Variants in GYS2 observed in about 807,000 individuals in gnomAD.
GYS2 encodes glycogen [starch] synthase, liver.
GYS2 carries 80 observed loss-of-function variants against 85.6 expected under a neutral mutation model. The observed-to-expected ratio is 0.93, with a 90% CI of 0.78 to 1.13. GYS2 has a LOEUF of 1.13. Among genes scored for constraint, GYS2 ranks in the 50% most tolerant of loss-of-function variants. GYS2 has a pLI of 0.00. For missense variants in GYS2, 881 were observed against 854.9 expected (o/e 1.03, Z -0.38); for synonymous variants, 328 against 300.7 (o/e 1.09, Z -0.94).
intron 1 of GYS2, among the ~76,000 whole-genome samples, chr12:21,594,122 G>A (rs952430019): frequency 1.3e-5 from 2 of 152,028 alleles, no homozygotes; most frequent in African/African-American, 4.8e-5. Context: ...AGTCATATAT[G>A]ACAAACCCAC....
intron 1 of GYS2, among the ~76,000 whole-genome samples, chr12:21,587,348 C>T (rs1944585804): frequency 6.6e-6 from 1 of 152,202 alleles, no homozygotes; most frequent in Admixed American, 6.5e-5. Flanking sequence ...ACTGTGTCCC[C>T]ACCCAAATCT....
At chr12:21,569,109 G>A in intron 4 of GYS2, 100 bp from the exon 5 acceptor site, 1 of 1,237,638 alleles carries the variant, frequency 8.1e-7, no homozygotes, top group Non-Finnish European at 1.2e-6. Context: ...CCTCAAGGCT[G>A]TGTAAAAATT....
intron 1 of GYS2, among the ~76,000 whole-genome samples, chr12:21,600,934 A>G (rs1944749577): frequency 6.6e-6 from 1 of 152,148 alleles, no homozygotes. Context: ...AATTATGTCC[A>G]GCAATACGTT....
intron 11 of GYS2, 59 bp downstream of exon 11, chr12:21,558,140 AT>A: frequency 9.8e-7 from 1 of 1,017,316 alleles, no homozygotes. Context: ...AAGCTAATAA[AT>A]TCTCAGAAAA....
chr12:21,534,072 G>T (rs2136826716), downstream of GYS2, among the ~76,000 whole-genome samples: 1 of 152,310 alleles, frequency 6.6e-6, no homozygotes, highest in South Asian at 2.1e-4. Context: ...TCACATTGGG[G>T]ATTAGGATTT....
intron 1 of GYS2, among the ~76,000 whole-genome samples, chr12:21,597,622 C>T (rs1591813579): frequency 6.6e-6 from 1 of 152,014 alleles, no homozygotes; most frequent in African/African-American, 2.4e-5. Context: ...AGTATAGCCA[C>T]TATGGAAAAC....
intron 11 of GYS2, among the ~76,000 whole-genome samples, chr12:21,548,307 A>G (rs574912041): frequency 1.3e-5 from 2 of 152,296 alleles, no homozygotes; most frequent in African/African-American, 4.8e-5. Flanking sequence ...GCCTATTTTC[A>G]TTCTATAAAT....
rs10717515 is a variant in GYS2 at position 21,564,435 on chromosome 12, G to GA, written c.824-1091dup. ...GACAGAGTGAGACTCCATCTCAAAA[G>GA]AAAAAAAAAAAGAATCTTTTACAGT... On this transcript the variant is annotated intron_variant, in intron 5 of 15. Coordinates refer to ENST00000261195, the MANE Select transcript of GYS2 (RefSeq NM_021957.4). Among the ~76,000 whole-genome samples the GA allele has an allele frequency of 1.4e-3, 203 of 149,642 alleles. 1 individual carries two copies. The highest frequency in any genetic ancestry group is 4.3e-3 in the African/African-American group (173 of 40,620).
At chr12:21,556,316 G>A (rs1944178649) in intron 11 of GYS2, among the ~76,000 whole-genome samples, 1 of 152,096 alleles carries the variant, frequency 6.6e-6, no homozygotes, top group Non-Finnish European at 1.5e-5. Flanking sequence ...CTACAGGCGT[G>A]TACCACCACA....
intron 1 of GYS2, among the ~76,000 whole-genome samples, chr12:21,591,880 T>C (rs1222700558): frequency 6.6e-6 from 1 of 152,100 alleles, no homozygotes; most frequent in Non-Finnish European, 1.5e-5. Flanking sequence ...AAGGATGTTA[T>C]ACCCAGCAAC....
intron 5 of GYS2, among the ~76,000 whole-genome samples, chr12:21,565,200 A>C (rs1340288797): frequency 6.6e-6 from 1 of 151,804 alleles, no homozygotes; most frequent in Non-Finnish European, 1.5e-5. Flanking sequence ...GTGCAGTCAT[A>C]TGCTGGTAAA....
intron 5 of GYS2, among the ~76,000 whole-genome samples, chr12:21,566,334 A>G (rs1315340254): frequency 6.6e-6 from 1 of 151,852 alleles, no homozygotes; most frequent in Non-Finnish European, 1.5e-5. Flanking sequence ...ACAAAGTCAT[A>G]GTTACACTAT....
At chr12:21,598,279 A>G (rs977291115) in intron 1 of GYS2, among the ~76,000 whole-genome samples, 5 of 152,134 alleles carry the variant, frequency 3.3e-5, no homozygotes, top group Admixed American at 3.3e-4. Flanking sequence ...ATCATTATAC[A>G]TTATATGCAT....
chr12:21,564,613 C>A (rs1247175798), intron 5 of GYS2, among the ~76,000 whole-genome samples: 1 of 152,062 alleles, frequency 6.6e-6, no homozygotes, highest in African/African-American at 2.4e-5. Context: ...ACAGTAGAAT[C>A]AATTTTAAGT....
intron 15 of GYS2, among the ~76,000 whole-genome samples, chr12:21,538,473 A>G (rs1943935242): frequency 6.6e-6 from 1 of 152,192 alleles, no homozygotes; most frequent in African/African-American, 2.4e-5. Context: ...AATTGGGCAT[A>G]TTCCTTGCAG....
chr12:21,539,382 A>C (rs778349391), intron 14 of GYS2, 44 bp from the exon 15 acceptor site: 1 of 1,004,856 alleles, frequency 1.0e-6, no homozygotes, highest in Admixed American at 1.7e-5. Context: ...AAACCCTTAG[A>C]TATCTCAATA....
chr12:21,587,506 C>T (rs1031850334), intron 1 of GYS2, among the ~76,000 whole-genome samples: 1 of 152,048 alleles, frequency 6.6e-6, no homozygotes, highest in Non-Finnish European at 1.5e-5. Flanking sequence ...GGCTTTTCCC[C>T]CTTTTGCTTG....
chr12:21,571,411 TTAATA>T (rs1365884538), intron 4 of GYS2, among the ~76,000 whole-genome samples: 3 of 152,236 alleles, frequency 2.0e-5, no homozygotes, highest in African/African-American at 7.2e-5. Context: ...TTCTTGCATT[TTAATA>T]TATCTCATAG....
intron 5 of GYS2, among the ~76,000 whole-genome samples, chr12:21,565,318 T>G (rs1944304822): frequency 6.7e-6 from 1 of 148,764 alleles, no homozygotes; most frequent in African/African-American, 2.5e-5. Flanking sequence ...ATGACTGATT[T>G]CAAGCTACCA....
Sources: allele counts gnomAD v4.1 joint callset (sites outside exome capture counted in the v4.1 genomes callset), GRCh38; gene constraint gnomAD v4.1.1; transcripts MANE v1.5; gene names NCBI Gene and HGNC (gene_info 2026-07-23, HGNC 2026-07-21).